TDRD5: variants seen among roughly 807,000 people sequenced by gnomAD.
TDRD5 encodes tudor domain-containing protein 5.
A neutral mutation model predicts 120.6 loss-of-function variants in TDRD5; 41 were observed. The ratio of observed to expected loss-of-function variants is 0.34; its 90% CI spans 0.26 to 0.44. TDRD5 has a LOEUF of 0.44. Among genes scored for constraint, TDRD5 ranks in the 20% least tolerant of loss-of-function variants. TDRD5 has a pLI of 1.00. For synonymous variants in TDRD5, 430 were observed against 433.7 expected (o/e 0.99, Z 0.11); for missense variants, 1,006 against 1,221.2 (o/e 0.82, Z 2.63).
chr1:179,592,746 C>T lies in TDRD5; in HGVS notation c.131C>T (p.Pro44Leu). Residue 44 changes from proline to leucine, a missense_variant, in exon 2 of 18, where the codon CCA becomes CTA. By Grantham distance (98) the Pro-to-Leu change is moderately conservative. Transcript: ENST00000444136. ...EYLLMVGNHLPLRILGYRSTM... is the reference protein window; with the variant it reads ...EYLLMVGNHLLLRILGYRSTM... ...CTTTTGATGGTTGGCAACCATCTAC[C>T]ACTCCGAATCCTTGGGTATCGGTCC... The T allele has an allele frequency of 6.2e-7, 1 of 1,614,120 alleles. No homozygotes were observed. The highest frequency in any genetic ancestry group is 8.5e-7 in the Non-Finnish European group (1 of 1,180,020).
At chr1:179,648,383 T>C (rs1312116260) in intron 11 of TDRD5, among the ~76,000 whole-genome samples, 4 of 118,332 alleles carry the variant, frequency 3.4e-5, no homozygotes, top group African/African-American at 9.1e-5. Flanking sequence ...CACTCATAGA[T>C]GGGAATTGAA....
At chr1:179,679,043 T>C (rs1459219290) in intron 17 of TDRD5, among the ~76,000 whole-genome samples, 1 of 152,212 alleles carries the variant, frequency 6.6e-6, no homozygotes, top group East Asian at 1.9e-4. Flanking sequence ...TCCAATTTAT[T>C]CCTAGATTTC....
At chr1:179,603,027 T>C (rs931922914) in intron 4 of TDRD5, among the ~76,000 whole-genome samples, 1 of 152,164 alleles carries the variant, frequency 6.6e-6, no homozygotes, top group Non-Finnish European at 1.5e-5. Context: ...TGTGTTTCCA[T>C]TTGTTTGTTT....
intron 6 of TDRD5, among the ~76,000 whole-genome samples, chr1:179,628,250 G>A (rs558823341): frequency 1.3e-5 from 2 of 149,660 alleles, no homozygotes; most frequent in Non-Finnish European, 3.0e-5. Flanking sequence ...TTAAAATTTC[G>A]TTGAAGGTGG....
intron 17 of TDRD5, among the ~76,000 whole-genome samples, chr1:179,682,705 G>A (rs1264322612): frequency 1.3e-5 from 2 of 149,390 alleles, no homozygotes; most frequent in African/African-American, 4.9e-5. Context: ...TTTTCTTTCA[G>A]TGTTCCTTTT....
intron 15 of TDRD5, 107 bp downstream of exon 15, chr1:179,662,393 G>C (rs532573783): frequency 4.9e-6 from 6 of 1,231,358 alleles, no homozygotes; most frequent in Admixed American, 6.0e-5. Flanking sequence ...TTGAGCTCAG[G>C]AGTTCATGAC....
chr1:179,619,493 T>C (rs1196284371), intron 5 of TDRD5, among the ~76,000 whole-genome samples: 1 of 152,178 alleles, frequency 6.6e-6, no homozygotes, highest in Non-Finnish European at 1.5e-5. Flanking sequence ...TACTGCCTTA[T>C]ATTATTCCAT....
chr1:179,654,387 G>T, intron 14 of TDRD5, 25 bp downstream of exon 14: 2 of 1,511,592 alleles, frequency 1.3e-6, no homozygotes, highest in East Asian at 2.5e-5. Flanking sequence ...GATAGTCTTT[G>T]AATATGTAAT....
At chr1:179,651,979 C>T (rs1336430566) in intron 12 of TDRD5, 60 bp from the exon 13 acceptor site, 1 of 1,550,862 alleles carries the variant, frequency 6.4e-7, no homozygotes, top group Non-Finnish European at 8.8e-7. Context: ...TAAGTGCTTT[C>T]TCGCCCTTTT....
At chr1:179,600,087 G>C (rs1392708195) in intron 4 of TDRD5, among the ~76,000 whole-genome samples, 3 of 152,120 alleles carry the variant, frequency 2.0e-5, no homozygotes, top group African/African-American at 7.2e-5. Flanking sequence ...GGAAGGCATT[G>C]TTATCATAGG....
chr1:179,635,526 G>T, intron 8 of TDRD5, 141 bp from the exon 9 acceptor site: 1 of 795,992 alleles, frequency 1.3e-6, no homozygotes, highest in Non-Finnish European at 1.9e-6. Context: ...AGTAAGTCTG[G>T]GCTAGAGTTC....
At position 179,640,023 on chromosome 1, in the gene TDRD5, G is replaced by A. The variant is rs1677959016; in HGVS notation, c.1705G>A (p.Val569Ile). 6.2e-7 allele frequency: 1 copy of A among 1,614,010 alleles called. No homozygotes were observed. Among genetic ancestry groups the A allele is most frequent in the South Asian group, 1.1e-5 (1 of 91,078 alleles). The change falls in exon 10 of 18, where the codon GTT (valine) becomes ATT (isoleucine). Residue 569 changes from valine to isoleucine, a missense_variant. By Grantham distance (29) the Val-to-Ile change is conservative. This residue lies in a region of TDRD5 where 158 missense variants were observed against 257.5 expected (regional missense o/e 0.61). Coordinates refer to ENST00000444136, the MANE Select transcript of TDRD5 (RefSeq NM_001199085.3). Reference sequence around the variant, plus strand: ...CCCAGACTTTGGAAATATTGGAATTGTTCAGAAGTCCTCCCTGAGGTTCCT... The same window carrying A: ...CCCAGACTTTGGAAATATTGGAATTATTCAGAAGTCCTCCCTGAGGTTCCT... ...FYPDFGNIGI[V>I]QKSSLRFLKC...
chr1:179,648,040 G>A (rs532777047), intron 11 of TDRD5, among the ~76,000 whole-genome samples: 5 of 151,980 alleles, frequency 3.3e-5, no homozygotes, highest in African/African-American at 7.3e-5. Context: ...TCAGTGTGGC[G>A]ATTCCTCAGG....
At chr1:179,665,095 C>T (rs1679496766) in intron 16 of TDRD5, among the ~76,000 whole-genome samples, 1 of 152,072 alleles carries the variant, frequency 6.6e-6, no homozygotes, top group African/African-American at 2.4e-5. Context: ...TATTCAGATC[C>T]TTTGCCCATT....
chr1:179,686,037 T>C (rs1680694294), intron 17 of TDRD5, among the ~76,000 whole-genome samples: 1 of 152,168 alleles, frequency 6.6e-6, no homozygotes, highest in African/African-American at 2.4e-5. Context: ...CCTTTCTTTC[T>C]TTCTCCTGCC....
intron 6 of TDRD5, among the ~76,000 whole-genome samples, chr1:179,622,279 G>T (rs10913838): frequency 0.038 from 5,774 of 151,980 alleles, 176 homozygotes; most frequent in East Asian, 0.11. Context: ...GCAGATTTTG[G>T]GTTTATGTTC....
intron 12 of TDRD5, 102 bp downstream of exon 12, chr1:179,651,169 C>T (rs888073653): frequency 4.7e-6 from 6 of 1,276,770 alleles, no homozygotes; most frequent in Non-Finnish European, 6.4e-6. Flanking sequence ...TATTCTTTAA[C>T]CAATTAGAGA....
chr1:179,611,845 A>C (rs905743613), intron 4 of TDRD5, among the ~76,000 whole-genome samples: 14 of 152,238 alleles, frequency 9.2e-5, no homozygotes, highest in Admixed American at 9.2e-4. Context: ...TAATAACCAC[A>C]TTTCACTTCC....
rs149761261 is a variant in TDRD5, at chr1:179,597,419, T to C, written c.831+1601T>C. Among the ~76,000 whole-genome samples the C allele has an allele frequency of 9.0e-3, 1,357 of 150,462 alleles. 47 individuals carry two copies. Among genetic ancestry groups the C allele is most frequent in the East Asian group, 0.062 (317 of 5,094 alleles). On this transcript the variant is annotated intron_variant, in intron 4 of 17. Coordinates refer to ENST00000444136, the MANE Select transcript of TDRD5 (RefSeq NM_001199085.3). ...CGATCTCGGCTCACTGCAACTTCCG[T>C]CTCCCGGGCTCAAGTGATTCTCCTG...
Sources: gnomAD v4.1 joint callset for allele counts (sites outside exome capture counted in the v4.1 genomes callset) on GRCh38, gnomAD v4.1.1 for gene constraint, gnomAD v4.1.1 regional missense constraint, MANE v1.5 for transcripts, NCBI Gene and HGNC (gene_info 2026-07-23, HGNC 2026-07-21) for gene names.